Variants in TAFA4 observed in about 807,000 individuals in gnomAD.
TAFA4 encodes TAFA chemokine like family member 4, also known as chemokine-like protein TAFA-4.
A neutral mutation model predicts 21.1 loss-of-function variants in TAFA4; 20 were observed. That is an observed-to-expected ratio of 0.95 (90% confidence interval 0.67 to 1.38). The LOEUF is 1.38. TAFA4 is among the 40% of genes most tolerant of loss of function. The probability of loss-of-function intolerance (pLI) is 0.00; values close to 1 mark genes in which losing one functional copy is unlikely to be tolerated. For missense variants in TAFA4, 211 were observed against 180.9 expected (o/e 1.17, Z -0.95); for synonymous variants, 71 against 67.4 (o/e 1.05, Z -0.26).
In TAFA4 at chr3:68,739,188, T is replaced by C. The variant is rs757860514; in HGVS notation, c.298A>G (p.Ile100Val). Residue 100 changes from isoleucine to valine, a missense_variant, in exon 5 of 6, where the codon ATT (isoleucine) becomes GTT (valine). Physicochemically the swap from Ile to Val is conservative, Grantham distance 29. Transcript: ENST00000295569. Reference sequence around the variant, plus strand: ...TTCATGTGACACCACCATTTCTGAATCACAATGGAAGCTGGAAAACAAAGG... The same window carrying C: ...TTCATGTGACACCACCATTTCTGAACCACAATGGAAGCTGGAAAACAAAGG... Reference protein sequence around the residue: ...QPSCVEASIVIQKWWCHMNPC... With the variant: ...QPSCVEASIVVQKWWCHMNPC... The C allele has an allele frequency of 3.7e-6, 6 of 1,613,484 alleles. No homozygotes were observed. Among genetic ancestry groups the C allele is most frequent in the Non-Finnish European group, 5.1e-6 (6 of 1,179,802 alleles).
chr3:68,824,860 T>A (rs537107484), intron 3 of TAFA4, among the ~76,000 whole-genome samples: 26 of 152,338 alleles, frequency 1.7e-4, no homozygotes, highest in Non-Finnish European at 3.1e-4. Context: ...GTACCTACTA[T>A]GAATCGGGCA....
rs752894596 is a variant in TAFA4 at position 68,773,875 on chromosome 3, T to TA, written c.131-20858dup. ...GAATAATGTGCGATGAAAACAGCAATAAAAAAAACTTATAGCAAGCGTGAG... is the reference window on the plus strand; with the variant it reads ...GAATAATGTGCGATGAAAACAGCAATAAAAAAAAACTTATAGCAAGCGTGAG... On this transcript the variant is annotated intron_variant, in intron 3 of 5. Coordinates refer to ENST00000295569, the MANE Select transcript of TAFA4 (RefSeq NM_182522.5). Among the ~76,000 whole-genome samples the TA allele has an allele frequency of 3.8e-4, 58 of 151,772 alleles. No individual in the cohort carries two copies. The East Asian group carries it at 0.01, about 27-fold the overall frequency.
At chr3:68,857,130 T>C (rs17048086) in intron 3 of TAFA4, among the ~76,000 whole-genome samples, 1,660 of 152,288 alleles carry the variant, frequency 0.011, 32 homozygotes, top group African/African-American at 0.038. Context: ...TATCCTTATA[T>C]GTTCGAAATG....
At chr3:68,797,910 C>T (rs569319803) in intron 3 of TAFA4, among the ~76,000 whole-genome samples, 9 of 152,236 alleles carry the variant, frequency 5.9e-5, no homozygotes, top group South Asian at 2.1e-4. Flanking sequence ...ATAATGCCAC[C>T]GTACTATACA....
chr3:68,913,596 A>T (rs1036012914), intron 1 of TAFA4: 5 of 152,230 alleles, frequency 3.3e-5, no homozygotes, highest in Non-Finnish European at 7.3e-5. Context: ...TTCAAGCTGG[A>T]CCACCTGGGT....
At chr3:68,859,103 A>C (rs1205123796) in intron 3 of TAFA4, among the ~76,000 whole-genome samples, 2 of 152,116 alleles carry the variant, frequency 1.3e-5, no homozygotes, top group Non-Finnish European at 2.9e-5. Flanking sequence ...TTATTATGTC[A>C]AATCTTGTGA....
chr3:68,874,039 A>T (rs2089518819), intron 3 of TAFA4, among the ~76,000 whole-genome samples: 1 of 152,012 alleles, frequency 6.6e-6, no homozygotes, highest in Non-Finnish European at 1.5e-5. Flanking sequence ...AAATTTCTCT[A>T]TTGTTCCCTC....
rs6771627 is a variant in TAFA4, at chr3:68,731,786, T to C, written c.*1356A>G. The C allele has an allele frequency of 1.3e-5, 2 of 152,134 alleles. No homozygotes were observed. The highest frequency in any genetic ancestry group is 2.9e-5 in the Non-Finnish European group (2 of 68,032). The allele number at this position is 152,134 out of a possible 1,614,324, so 9.4% of individuals were successfully genotyped here. A position where few individuals can be genotyped will look rare whatever the true frequency, so the allele number is the denominator to read the frequency against. The stretch of plus-strand genomic sequence containing the variant: ...ATGTATGCCATCAGCAGGATGAATT[T>C]TTTTACTTATTCATATGATCATAAC... On this transcript the variant is annotated 3_prime_UTR_variant, in exon 6 of 6. Coordinates refer to ENST00000295569, the MANE Select transcript of TAFA4 (RefSeq NM_182522.5).
At chr3:68,870,790 T>C (rs2089472618) in intron 3 of TAFA4, among the ~76,000 whole-genome samples, 1 of 152,016 alleles carries the variant, frequency 6.6e-6, no homozygotes, top group Non-Finnish European at 1.5e-5. Flanking sequence ...TGTATCAATG[T>C]GTTCTCATTG....
intron 3 of TAFA4, among the ~76,000 whole-genome samples, chr3:68,794,098 T>A (rs558198678): frequency 6.6e-6 from 1 of 152,334 alleles, no homozygotes; most frequent in South Asian, 2.1e-4. Flanking sequence ...AGGATATTCT[T>A]GAAAATTCTA....
In TAFA4 at chr3:68,909,203, C is replaced by A. The variant is rs114175256; in HGVS notation, c.-123+23037G>T. Among the ~76,000 whole-genome samples, 1,471 of 152,120 alleles carry A rather than the reference C, an allele frequency of 9.7e-3. 21 individuals carry two copies. The highest frequency in any genetic ancestry group is 0.034 in the African/African-American group (1,402 of 41,478). On this transcript the variant is annotated intron_variant, in intron 1 of 5. Transcript: ENST00000295569. ...CCCAAAAAAAAAAGGGATTTGGGGA[C>A]AAAATGACAACAGAATTTAGTATCT...
chr3:68,858,539 T>G (rs1014858584), intron 3 of TAFA4, among the ~76,000 whole-genome samples: 37 of 151,888 alleles, frequency 2.4e-4, no homozygotes, highest in Middle Eastern at 3.4e-3. Flanking sequence ...ATAAAAATAT[T>G]TGACAGGTTA....
Position 68,812,383 on chromosome 3 carries a change from T to C in TAFA4, c.131-59365A>G, listed in dbSNP as rs1056456708. 4.6e-5 allele frequency among the ~76,000 whole-genome samples: 7 copies of C among 152,074 alleles called. No individual in the cohort carries two copies. The South Asian group carries it at 8.3e-4, about 18-fold the overall frequency. On this transcript the variant is annotated intron_variant, in intron 3 of 5. Coordinates refer to ENST00000295569, the MANE Select transcript of TAFA4 (RefSeq NM_182522.5). ...CAATTAAAAGACACAGACTGGCAAA[T>C]TGGATCAAGAGTCAAGACCCATCAG...
At chr3:68,922,192 A>G (rs539524074) in intron 1 of TAFA4, among the ~76,000 whole-genome samples, 1 of 152,346 alleles carries the variant, frequency 6.6e-6, no homozygotes, top group South Asian at 2.1e-4. Flanking sequence ...AGTGTTATAC[A>G]AAGTGTGGTC....
chr3:68,887,471 G>A (rs559218153), intron 1 of TAFA4, among the ~76,000 whole-genome samples: 18 of 151,984 alleles, frequency 1.2e-4, no homozygotes, highest in African/African-American at 2.7e-4. Flanking sequence ...GGGTAGCCTC[G>A]CTCCCATGAC....
chr3:68,814,402 G>T (rs1310992942), intron 3 of TAFA4, among the ~76,000 whole-genome samples: 1 of 152,126 alleles, frequency 6.6e-6, no homozygotes, highest in Non-Finnish European at 1.5e-5. Flanking sequence ...TGACATGATT[G>T]TATATCTAGA....
intron 3 of TAFA4, among the ~76,000 whole-genome samples, chr3:68,876,159 T>C (rs1040714818): frequency 1.3e-5 from 2 of 152,198 alleles, no homozygotes; most frequent in East Asian, 3.9e-4. Flanking sequence ...GGGTCACATG[T>C]TAAAATGATA....
At chr3:68,758,244 G>A (rs1169503575) in intron 3 of TAFA4, among the ~76,000 whole-genome samples, 1 of 152,184 alleles carries the variant, frequency 6.6e-6, no homozygotes, top group African/African-American at 2.4e-5. Flanking sequence ...ATTCCATACA[G>A]TCTTTTTAGA....
intron 5 of TAFA4, among the ~76,000 whole-genome samples, chr3:68,737,812 G>A (rs535313002): frequency 4.6e-4 from 70 of 152,262 alleles, no homozygotes; most frequent in African/African-American, 1.4e-3. Context: ...AGAAAGGCAA[G>A]AAGCCATTCA....
Sources: allele counts gnomAD v4.1 joint callset (sites outside exome capture counted in the v4.1 genomes callset), GRCh38; gene constraint gnomAD v4.1.1; transcripts MANE v1.5; gene names NCBI Gene and HGNC (gene_info 2026-07-23, HGNC 2026-07-21).